STX8: variants seen among roughly 807,000 people sequenced by gnomAD.
STX8 encodes the protein syntaxin 8, also known as syntaxin-8.
In STX8, 23 loss-of-function variants were observed where a neutral mutation model predicts 37.5. The ratio of observed to expected loss-of-function variants is 0.61; its 90% CI spans 0.44 to 0.87. STX8 has a LOEUF of 0.87. Among genes scored for constraint, STX8 ranks in the 40% least tolerant of loss-of-function variants. STX8 has a pLI of 0.00. For missense variants in STX8, 313 were observed against 284.7 expected, an observed-to-expected ratio of 1.10 and a Z score of -0.71; for synonymous variants, 115 against 99.1, an observed-to-expected ratio of 1.16 and a Z score of -0.95.
At chr17:9,364,213 C>A (rs541586912) in intron 7 of STX8, among the ~76,000 whole-genome samples, 1 of 152,292 alleles carries the variant, frequency 6.6e-6, no homozygotes, top group African/African-American at 2.4e-5. Context: ...GCGAGTCATA[C>A]ATTTTAGCTC....
At chr17:9,517,788 T>TAAAA (rs11318149) in intron 4 of STX8, among the ~76,000 whole-genome samples, 8,901 of 98,522 alleles carry the variant, frequency 0.09, 339 homozygotes, top group South Asian at 0.12. Context: ...ACCCCTATTG[T>TAAAA]AAAAAAAAAA....
chr17:9,293,926 T>C (rs553578402), intron 7 of STX8, among the ~76,000 whole-genome samples: 4 of 135,068 alleles, frequency 3.0e-5, no homozygotes, highest in African/African-American at 1.3e-4. Context: ...CACGCCTGGC[T>C]AATTTTTTTT....
In STX8 at chr17:9,541,107, A is replaced by G. The variant is rs114241105; in HGVS notation, c.323+4065T>C. ...CACTAACCTGCCAAATTCCCTAAAC[A>G]TTCCCATCAACTAATTCACTGTGGT... On this transcript the variant is annotated intron_variant, in intron 4 of 7. Transcript: ENST00000306357. Among the ~76,000 whole-genome samples, 1,513 of 152,292 alleles carry G rather than the reference A, an allele frequency of 9.9e-3. 39 individuals are homozygous for G. Among genetic ancestry groups the G allele is most frequent in the African/African-American group, 0.035 (1,444 of 41,542 alleles).
At chr17:9,519,630 A>C (rs1901974093) in intron 4 of STX8, among the ~76,000 whole-genome samples, 1 of 151,868 alleles carries the variant, frequency 6.6e-6, no homozygotes, top group South Asian at 2.1e-4. Flanking sequence ...CCTATTCAAA[A>C]ACTTCCCTGA....
At chr17:9,499,899 C>T (rs565115014) in intron 5 of STX8, among the ~76,000 whole-genome samples, 10 of 152,330 alleles carry the variant, frequency 6.6e-5, no homozygotes, top group African/African-American at 2.4e-4. Flanking sequence ...CCTAAAGCAA[C>T]CCCTGAAAAT....
At chr17:9,291,806 G>A (rs1597587313) in intron 7 of STX8, among the ~76,000 whole-genome samples, 1 of 152,148 alleles carries the variant, frequency 6.6e-6, no homozygotes, top group Non-Finnish European at 1.5e-5. Flanking sequence ...TTGAGGTTGG[G>A]GAAGAAACTG....
chr17:9,540,672 G>A lies in STX8; in HGVS notation c.323+4500C>T, dbSNP rs749116715. 1.4e-4 allele frequency: 21 copies of A among 152,258 alleles called. 1 individual carries two copies. Among genetic ancestry groups the A allele is most frequent in the Admixed American group, 7.2e-4 (11 of 15,284 alleles). 9.4% of individuals were successfully genotyped at this position (152,258 alleles called of 1,614,324 possible). Reference sequence around the variant, plus strand: ...GACCATCATTGTGTGTTATGTCCACGTCTACCTTCTCCAAATCACTCCACA... The same window carrying A: ...GACCATCATTGTGTGTTATGTCCACATCTACCTTCTCCAAATCACTCCACA... On this transcript the variant is annotated intron_variant, in intron 4 of 7. Coordinates refer to ENST00000306357, the MANE Select transcript of STX8 (RefSeq NM_004853.3).
chr17:9,304,507 C>CAAAAAAAAAAAAAAAAAAAAAAA (rs35673905), intron 7 of STX8, among the ~76,000 whole-genome samples: 9 of 56,870 alleles, frequency 1.6e-4, no homozygotes, highest in Admixed American at 2.1e-4. Flanking sequence ...GAAACTGTCT[C>CAAAAAAAAAAAAAAAAAAAAAAA]AAAAAAAAAA....
At position 9,302,592 on chromosome 17, in the gene STX8, A is replaced by G. The variant is rs538024062; in HGVS notation, c.644-51947T>C. Among the ~76,000 whole-genome samples, 42 of 152,294 alleles carry G rather than the reference A, an allele frequency of 2.8e-4. No homozygotes were observed. In the South Asian group the frequency reaches 8.3e-3, roughly 30 times the overall value. On this transcript the variant is annotated intron_variant, in intron 7 of 7. Transcript: ENST00000306357. ...AGCAGAAGCGGTGTGGCCCACTTCC[A>G]GGCATGGACACATAAGCAGCACACA...
At position 9,516,298 on chromosome 17, in the gene STX8, CATATATAT is replaced by C. The variant is rs150682084; in HGVS notation, c.324-11144_324-11137del. Among the ~76,000 whole-genome samples the C allele has an allele frequency of 9.3e-3, 481 of 51,730 alleles. 2 individuals carry two copies. The highest frequency in any genetic ancestry group is 0.03 in the Middle Eastern group (2 of 66). The allele number at this position is 51,730 out of a possible 152,430, so 33.9% of individuals were successfully genotyped here. A position where few individuals can be genotyped will look rare whatever the true frequency, so the allele number is the denominator to read the frequency against. On this transcript the variant is annotated intron_variant, in intron 4 of 7. Coordinates refer to ENST00000306357, the MANE Select transcript of STX8 (RefSeq NM_004853.3). ...AAAAATGACACATTAGAACCACAGT[CATATATAT>C]ATATATATATATATATATATATATA...
chr17:9,488,917 C>T (rs537128165), intron 6 of STX8, among the ~76,000 whole-genome samples: 2 of 152,226 alleles, frequency 1.3e-5, no homozygotes, highest in East Asian at 3.9e-4. Context: ...CGCTCAGTCA[C>T]CCAAGCTGGA....
At chr17:9,265,129 A>G (rs2142131946) in intron 7 of STX8, among the ~76,000 whole-genome samples, 1 of 152,024 alleles carries the variant, frequency 6.6e-6, no homozygotes, top group African/African-American at 2.4e-5. Flanking sequence ...AAAAGAAAAA[A>G]AAAAAAAAAA....
At chr17:9,364,543 T>A (rs1184346640) in intron 7 of STX8, among the ~76,000 whole-genome samples, 2 of 152,156 alleles carry the variant, frequency 1.3e-5, no homozygotes, top group Admixed American at 6.6e-5. Flanking sequence ...TTTATATTTT[T>A]TTTTGAGACA....
chr17:9,362,775 T>C (rs1379027584), intron 7 of STX8, among the ~76,000 whole-genome samples: 2 of 150,852 alleles, frequency 1.3e-5, no homozygotes, highest in South Asian at 2.1e-4. Flanking sequence ...TGAGCTGAGA[T>C]TGTGCCACTG....
At chr17:9,469,928 C>G (rs1378645008) in intron 6 of STX8, 1 of 152,192 alleles carries the variant, frequency 6.6e-6, no homozygotes, top group South Asian at 2.1e-4. Flanking sequence ...TTCACCTGTT[C>G]ATAGATACAA....
chr17:9,301,620 C>G (rs1395998490), intron 7 of STX8, among the ~76,000 whole-genome samples: 1 of 151,460 alleles, frequency 6.6e-6, no homozygotes, highest in East Asian at 1.9e-4. Context: ...GTAGCTGGGA[C>G]TACAGGCGCC....
intron 6 of STX8, among the ~76,000 whole-genome samples, chr17:9,411,133 T>C (rs571896749): frequency 6.6e-6 from 1 of 152,338 alleles, no homozygotes; most frequent in East Asian, 1.9e-4. Context: ...AAATCTACCC[T>C]AGAGGTTTGT....
chr17:9,552,905 C>T (rs1055695453), intron 3 of STX8: 1 of 152,054 alleles, frequency 6.6e-6, no homozygotes, highest in Admixed American at 6.6e-5. Flanking sequence ...CCGCACGCCT[C>T]GGCCTCCCAA....
chr17:9,552,331 G>A (rs2151914040), intron 3 of STX8, among the ~76,000 whole-genome samples: 1 of 152,302 alleles, frequency 6.6e-6, no homozygotes, highest in East Asian at 1.9e-4. Context: ...AACACAGTGA[G>A]ATCCTGTCTT....
Sources: gnomAD v4.1 joint callset for allele counts (sites outside exome capture counted in the v4.1 genomes callset) on GRCh38, gnomAD v4.1.1 for gene constraint, MANE v1.5 for transcripts, NCBI Gene and HGNC (gene_info 2026-07-23, HGNC 2026-07-21) for gene names.